ITFG1: variants seen among roughly 807,000 people sequenced by gnomAD.
ITFG1 encodes integrin alpha FG-GAP repeat containing 1, also known as T-cell immunomodulatory protein.
In ITFG1, 34 loss-of-function variants were observed where a neutral mutation model predicts 81.8. The observed-to-expected ratio is 0.42, with a 90% confidence interval of 0.32 to 0.55. The LOEUF is 0.55. ITFG1 is among the 20% of genes least tolerant of loss of function. The pLI is 0.17. For missense variants in ITFG1, 672 were observed against 755.4 expected (o/e 0.89, Z 1.29); for synonymous variants, 285 against 270.6 (o/e 1.05, Z -0.52).
At chr16:47,299,341 AC>A (rs1399478366) in intron 10 of ITFG1, 2 of 152,406 alleles carry the variant, frequency 1.3e-5, no homozygotes, top group Non-Finnish European at 2.9e-5. Flanking sequence ...ACCTTTGTTA[AC>A]TTGGTGATGT....
At chr16:47,218,777 T>G (rs1240252604) in intron 14 of ITFG1, 91 bp downstream of exon 14, 1 of 607,898 alleles carries the variant, frequency 1.6e-6, no homozygotes, top group African/African-American at 1.9e-5. Flanking sequence ...TATTAAGGAG[T>G]GTGAAAACAT....
intron 5 of ITFG1, among the ~76,000 whole-genome samples, chr16:47,446,409 T>C (rs992836726): frequency 1.1e-4 from 17 of 152,256 alleles, no homozygotes; most frequent in African/African-American, 4.1e-4. Flanking sequence ...GAAGATTTCT[T>C]ACATAAGAGA....
chr16:47,289,718 T>C (rs1330713284), intron 10 of ITFG1, among the ~76,000 whole-genome samples: 1 of 152,154 alleles, frequency 6.6e-6, no homozygotes, highest in African/African-American at 2.4e-5. Flanking sequence ...TTGATTTTAT[T>C]TATTGGGGCC....
intron 12 of ITFG1, among the ~76,000 whole-genome samples, chr16:47,246,726 C>G (rs888515456): frequency 4.6e-5 from 7 of 152,114 alleles, no homozygotes; most frequent in Admixed American, 4.6e-4. Flanking sequence ...AATGATACTG[C>G]TTTTGTTAAG....
chr16:47,340,438 G>T (rs1967766134), intron 8 of ITFG1, among the ~76,000 whole-genome samples: 1 of 152,036 alleles, frequency 6.6e-6, no homozygotes, highest in South Asian at 2.1e-4. Context: ...TTTTTGTGTG[G>T]TATTACATTA....
intron 10 of ITFG1, among the ~76,000 whole-genome samples, chr16:47,286,134 A>G (rs1405242261): frequency 6.6e-6 from 1 of 152,158 alleles, no homozygotes; most frequent in African/African-American, 2.4e-5. Flanking sequence ...AATATATTAC[A>G]TTGAACTCTA....
intron 6 of ITFG1, among the ~76,000 whole-genome samples, chr16:47,424,659 G>A (rs1405538299): frequency 1.3e-5 from 2 of 152,160 alleles, no homozygotes; most frequent in Admixed American, 1.3e-4. Context: ...ATTCCTTTCT[G>A]TTTGTTAGTT....
At position 47,361,744 on chromosome 16, in the gene ITFG1, C is replaced by T. The variant is rs1968111998; in HGVS notation, c.802+4044G>A. Reference sequence around the variant, plus strand: ...TGATAACTTTTGGGCCACTAATACCCTGCTAAAATGAAAATCTAAAGGTCT... The same window carrying T: ...TGATAACTTTTGGGCCACTAATACCTTGCTAAAATGAAAATCTAAAGGTCT... On this transcript the variant is annotated intron_variant, in intron 8 of 17. Coordinates refer to ENST00000320640, the MANE Select transcript of ITFG1 (RefSeq NM_030790.5). Among the ~76,000 whole-genome samples, 4 of 152,172 alleles carry T rather than the reference C, an allele frequency of 2.6e-5. No homozygotes were observed. In the South Asian group the frequency reaches 8.3e-4, roughly 31 times the overall value.
intron 13 of ITFG1, among the ~76,000 whole-genome samples, chr16:47,230,290 G>T (rs1334387856): frequency 6.6e-6 from 1 of 152,144 alleles, no homozygotes; most frequent in East Asian, 1.9e-4. Context: ...AGAGCAGGAA[G>T]GCAGCCGAGA....
intron 5 of ITFG1, among the ~76,000 whole-genome samples, chr16:47,443,448 C>T (rs531422301): frequency 9.2e-5 from 14 of 152,132 alleles, no homozygotes; most frequent in South Asian, 2.1e-4. Context: ...TACATGCACA[C>T]GTATGTTTAT....
chr16:47,188,200 T>C (rs1219894030), intron 14 of ITFG1, among the ~76,000 whole-genome samples: 2 of 151,410 alleles, frequency 1.3e-5, no homozygotes, highest in Non-Finnish European at 3.0e-5. Flanking sequence ...TGGAAGTCAG[T>C]GTGGCGATTC....
At position 47,425,479 on chromosome 16, in the gene ITFG1, G is replaced by T. The variant is rs547074914; in HGVS notation, c.655+3325C>A. ...ACTGTCCAACCAGTCCCAATGCAATGAACCAGGTACCTCAGTTGGAAATGC... is the reference window on the plus strand; with the variant it reads ...ACTGTCCAACCAGTCCCAATGCAATTAACCAGGTACCTCAGTTGGAAATGC... On this transcript the variant is annotated intron_variant, in intron 6 of 17. Transcript: ENST00000320640. Among the ~76,000 whole-genome samples, 11 of 152,132 alleles carry T rather than the reference G, an allele frequency of 7.2e-5. No individual in the cohort carries two copies. The South Asian group carries it at 2.3e-3, about 32-fold the overall frequency.
At chr16:47,226,679 T>C (rs1472752391) in intron 13 of ITFG1, among the ~76,000 whole-genome samples, 1 of 151,920 alleles carries the variant, frequency 6.6e-6, no homozygotes, top group Non-Finnish European at 1.5e-5. Flanking sequence ...ATTAAAACAC[T>C]CCCTTTTCTA....
intron 14 of ITFG1, among the ~76,000 whole-genome samples, chr16:47,184,359 T>C (rs1965180666): frequency 6.6e-6 from 1 of 151,716 alleles, no homozygotes; most frequent in African/African-American, 2.4e-5. Context: ...AAGGAAAAAA[T>C]GTTAAGGGCA....
chr16:47,218,829 G>T lies in ITFG1; in HGVS notation c.1453+39C>A, dbSNP rs112279230. 5,201 of 1,259,770 alleles carry T rather than the reference G, an allele frequency of 4.1e-3. 168 individuals are homozygous for T. The African/African-American group carries it at 0.07, about 17-fold the overall frequency. The allele number at this position is 1,259,770 out of a possible 1,614,324, so 78.0% of individuals were successfully genotyped here. ...TTACCTTGCTAATATATTGACTGAA[G>T]AAGCTTTTATACATTATGGACAATG... On this transcript the variant is annotated intron_variant, in intron 14 of 17. Transcript: ENST00000320640.
chr16:47,316,326 A>G (rs776121721), intron 8 of ITFG1, among the ~76,000 whole-genome samples: 5 of 152,176 alleles, frequency 3.3e-5, no homozygotes, highest in Non-Finnish European at 7.4e-5. Context: ...ACATTTGCCT[A>G]TTGTTAACAT....
At chr16:47,382,313 A>G (rs1267963704) in intron 6 of ITFG1, among the ~76,000 whole-genome samples, 1 of 152,240 alleles carries the variant, frequency 6.6e-6, no homozygotes, top group Non-Finnish European at 1.5e-5. Context: ...ATAAAGATGC[A>G]CTAATTTAGT....
At position 47,285,568 on chromosome 16, in the gene ITFG1, A is replaced by G. The variant is rs116278269; in HGVS notation, c.1071-24873T>C. Among the ~76,000 whole-genome samples, 1,149 of 152,196 alleles carry G rather than the reference A, an allele frequency of 7.5e-3. 19 individuals are homozygous for G. Among genetic ancestry groups the G allele is most frequent in the African/African-American group, 0.026 (1,089 of 41,528 alleles). ...TATGTGGCAGTGGTCTTGGGGATTG[A>G]GCCCTTAACCTGTTGGATCTGACAC... On this transcript the variant is annotated intron_variant, in intron 10 of 17. Coordinates refer to ENST00000320640, the MANE Select transcript of ITFG1 (RefSeq NM_030790.5).
At chr16:47,366,602 A>C (rs1413995750) in intron 7 of ITFG1, among the ~76,000 whole-genome samples, 1 of 152,182 alleles carries the variant, frequency 6.6e-6, no homozygotes, top group Non-Finnish European at 1.5e-5. Context: ...TTCCCTTCTT[A>C]ATTTTAGATT....
Sources: allele counts gnomAD v4.1 joint callset (sites outside exome capture counted in the v4.1 genomes callset), GRCh38; gene constraint gnomAD v4.1.1; transcripts MANE v1.5; gene names NCBI Gene and HGNC (gene_info 2026-07-23, HGNC 2026-07-21).